The following UNC80 variants were observed in gnomAD, a reference collection of about 807,000 sequenced individuals.
UNC80 encodes protein unc-80 homolog.
Under a neutral mutation model 384.6 loss-of-function variants are expected in UNC80, and 164 were observed. The ratio of observed to expected loss-of-function variants is 0.43; its 90% CI spans 0.38 to 0.49. The LOEUF is 0.49. Among genes scored for constraint, UNC80 ranks in the 20% least tolerant of loss-of-function variants. UNC80 has a pLI of 0.00. For synonymous variants in UNC80, 1,486 were observed against 1,527.8 expected (o/e 0.97, Z 0.64); for missense variants, 3,330 against 4,143.0 (o/e 0.80, Z 5.39).
chr2:209,944,935 T>C (rs2091840531), intron 45 of UNC80, 116 bp from the exon 46 acceptor site: 2 of 1,196,478 alleles, frequency 1.7e-6, no homozygotes, highest in African/African-American at 3.0e-5. Context: ...TAAGCTGAAT[T>C]CCAGGTAGAT....
intron 14 of UNC80, among the ~76,000 whole-genome samples, chr2:209,828,470 C>T (rs1461940133): frequency 6.6e-6 from 1 of 152,138 alleles, no homozygotes; most frequent in Admixed American, 6.5e-5. Context: ...ACCAAGAAGC[C>T]TATTGCTAAT....
At chr2:209,908,208 A>G (rs2088489655) in intron 29 of UNC80, among the ~76,000 whole-genome samples, 1 of 152,256 alleles carries the variant, frequency 6.6e-6, no homozygotes, top group Admixed American at 6.5e-5. Flanking sequence ...GAGTAAAAGC[A>G]GTATTCTGAA....
At chr2:209,933,500 C>T (rs2124969153) in intron 38 of UNC80, among the ~76,000 whole-genome samples, 1 of 129,364 alleles carries the variant, frequency 7.7e-6, no homozygotes, top group Admixed American at 1.0e-4. Context: ...CTTGGACAAA[C>T]TTCTTATACA....
At chr2:209,945,718 C>T (rs1035234196) in intron 46 of UNC80, 129 bp from the exon 47 acceptor site, 17 of 589,028 alleles carry the variant, frequency 2.9e-5, no homozygotes, top group Middle Eastern at 3.5e-4. Flanking sequence ...GTTTTCACAG[C>T]GTAGGAATAA....
chr2:209,927,058 T>G (rs1459711227), intron 36 of UNC80, 72 bp downstream of exon 36: 6 of 1,494,286 alleles, frequency 4.0e-6, no homozygotes, highest in Non-Finnish European at 9.0e-7. Flanking sequence ...AGTAGGTTGC[T>G]CTTAAACACA....
chr2:209,911,390 C>T (rs1205466115), intron 29 of UNC80, among the ~76,000 whole-genome samples: 1 of 152,146 alleles, frequency 6.6e-6, no homozygotes, highest in Non-Finnish European at 1.5e-5. Context: ...AATATGTGTT[C>T]CCACATATGC....
intron 22 of UNC80, among the ~76,000 whole-genome samples, chr2:209,856,950 T>G (rs1437943378): frequency 6.6e-6 from 1 of 152,026 alleles, no homozygotes; most frequent in Non-Finnish European, 1.5e-5. Context: ...CCACCATGCC[T>G]GGCTAAGTTT....
chr2:209,878,804 C>T (rs931547920), intron 24 of UNC80, among the ~76,000 whole-genome samples: 5 of 152,100 alleles, frequency 3.3e-5, no homozygotes, highest in South Asian at 2.1e-4. Context: ...TTATGGAATT[C>T]GTATCTTTAT....
At chr2:209,955,010 G>T (rs6729366) in intron 48 of UNC80, among the ~76,000 whole-genome samples, 1 of 152,084 alleles carries the variant, frequency 6.6e-6, no homozygotes, top group Non-Finnish European at 1.5e-5. Flanking sequence ...AATGCAAGTG[G>T]GGAAGGTGGA....
intron 51 of UNC80, among the ~76,000 whole-genome samples, chr2:209,963,125 C>T (rs1178150964): frequency 6.6e-6 from 1 of 152,206 alleles, no homozygotes; most frequent in Non-Finnish European, 1.5e-5. Flanking sequence ...AGAGTCTCTG[C>T]CCTACAGAAA....
Position 209,936,941 on chromosome 2 carries a change from AC to A in UNC80, c.6363+10del, listed in dbSNP as rs775103061. The A allele has an allele frequency of 1.3e-5, 19 of 1,518,600 alleles. No individual in the cohort carries two copies. The Middle Eastern group carries it at 8.4e-4, about 67-fold the overall frequency. The allele number at this position is 1,518,600 out of a possible 1,614,324, so 94.1% of individuals were successfully genotyped here. On this transcript the variant is annotated intron_variant, in intron 41 of 64. Coordinates refer to ENST00000673920, the MANE Select transcript of UNC80 (RefSeq NM_001371986.1). ...CTTATCCACTACAATAAGGTGAGAC[AC>A]CAGTAGTGACATCCCCGTTGAGTTG...
In UNC80 at chr2:209,957,634, A is replaced by G. The variant is rs2092461383; in HGVS notation, c.7458-10A>G. 1 of 1,549,442 alleles carries G rather than the reference A, an allele frequency of 6.5e-7. No homozygotes were observed. Among genetic ancestry groups the G allele is most frequent in the Non-Finnish European group, 8.7e-7 (1 of 1,145,512 alleles). ...TTGTTTTGCTGTGGTGATTACTGTCATTGTTACAGGCCCATGACAGCCCCA... is the reference window on the plus strand; with the variant it reads ...TTGTTTTGCTGTGGTGATTACTGTCGTTGTTACAGGCCCATGACAGCCCCA... On this transcript the variant is annotated splice_polypyrimidine_tract_variant and intron_variant, in intron 48 of 64. Transcript: ENST00000673920.
At chr2:209,968,672 G>A (rs2092801090) in intron 52 of UNC80, 1 of 152,132 alleles carries the variant, frequency 6.6e-6, no homozygotes, top group Admixed American at 6.5e-5. Context: ...TAGAACATTT[G>A]TGTCTATCAG....
In UNC80 at chr2:209,970,939, T is replaced by A. The variant is rs2092866130; in HGVS notation, c.8238T>A (p.Leu2746=). The A allele has an allele frequency of 6.4e-7, 1 of 1,551,820 alleles. No individual in the cohort carries two copies. Among genetic ancestry groups the A allele is most frequent in the Non-Finnish European group, 8.7e-7 (1 of 1,146,996 alleles). ...PLPFSTAVVR[L]VALQIQALKE... is the part of the protein sequence containing the mutation. ...CCTTCAGCACAGCTGTTGTCCGGCT[T>A]GTAGCATTGCAGATACAGGTGTGAC... The change falls in exon 54 of 65, where the codon CTT becomes CTA. Residue 2746 remains leucine (L), a synonymous_variant. Transcript: ENST00000673920.
chr2:209,871,882 T>C (rs1019685736), intron 22 of UNC80, among the ~76,000 whole-genome samples: 1 of 151,864 alleles, frequency 6.6e-6, no homozygotes, highest in Non-Finnish European at 1.5e-5. Context: ...AAATGCTCTA[T>C]CATTTATCAA....
intron 33 of UNC80, among the ~76,000 whole-genome samples, chr2:209,920,717 C>T (rs1424523229): frequency 6.6e-6 from 1 of 152,122 alleles, no homozygotes; most frequent in Non-Finnish European, 1.5e-5. Flanking sequence ...ACTTGAGCTA[C>T]AGAAATGAAA....
At chr2:209,991,096 T>C (rs2093383091) in intron 61 of UNC80, among the ~76,000 whole-genome samples, 1 of 152,246 alleles carries the variant, frequency 6.6e-6, no homozygotes, top group Admixed American at 6.5e-5. Context: ...TAAGTAGCTC[T>C]TTATTTAAAA....
At chr2:209,802,625 T>C (rs772571272) in intron 7 of UNC80, among the ~76,000 whole-genome samples, 17 of 152,224 alleles carry the variant, frequency 1.1e-4, no homozygotes, top group South Asian at 4.1e-4. Flanking sequence ...GTCCTTCTTA[T>C]ACATCATCAA....
chr2:209,992,211 T>A lies in UNC80; in HGVS notation c.9360T>A (p.Val3120=), dbSNP rs2093405120. 1 of 1,551,514 alleles carries A rather than the reference T, an allele frequency of 6.4e-7. No individual in the cohort carries two copies. The highest frequency in any genetic ancestry group is 8.7e-7 in the Non-Finnish European group (1 of 1,146,958). ...AACCTGGTCAACAGAACCTCCTTGT[T>A]CAGCAGCCGCTGGGGAGGAAGAGGG... ...QSEPGQQNLL[V]QQPLGRKRGL... The change falls in exon 62 of 65, where the codon GTT becomes GTA. Residue 3120 remains valine (V), a synonymous_variant. Coordinates refer to ENST00000673920, the MANE Select transcript of UNC80 (RefSeq NM_001371986.1).
Sources: gnomAD v4.1 joint callset for allele counts (sites outside exome capture counted in the v4.1 genomes callset) on GRCh38, gnomAD v4.1.1 for gene constraint, MANE v1.5 for transcripts, NCBI Gene and HGNC (gene_info 2026-07-23, HGNC 2026-07-21) for gene names.